The following APC variants were observed in gnomAD, a reference collection of about 807,000 sequenced individuals.
The protein encoded by APC is APC regulator of Wnt signaling pathway, also known as adenomatous polyposis coli protein.
In APC, 72 loss-of-function variants were observed where a neutral mutation model predicts 247.0. The observed-to-expected ratio is 0.29, with a 90% CI of 0.24 to 0.35. The LOEUF (loss-of-function observed/expected upper bound fraction) is 0.35. Among genes scored for constraint, APC ranks in the 10% least tolerant of loss-of-function variants. The probability of loss-of-function intolerance (pLI) is 1.00; values close to 1 mark genes in which losing one functional copy is unlikely to be tolerated. For synonymous variants in APC, 1,254 were observed against 1,162.5 expected, an observed-to-expected ratio of 1.08 and a Z score of -1.60; for missense variants, 3,400 against 3,360.7, an observed-to-expected ratio of 1.01 and a Z score of -0.29.
At chr5:112,721,082 TATA>T (rs2149656492) in intron 1 of APC, among the ~76,000 whole-genome samples, 1 of 152,162 alleles carries the variant, frequency 6.6e-6, no homozygotes, top group South Asian at 2.1e-4. Context: ...TTGGAGATAG[TATA>T]ATGAACTAGA....
chr5:112,799,775 T>G (rs912750646), intron 7 of APC, among the ~76,000 whole-genome samples: 3 of 152,142 alleles, frequency 2.0e-5, no homozygotes, highest in Non-Finnish European at 4.4e-5. Context: ...CTCCTTATTT[T>G]TGGTGCTTCA....
At chr5:112,800,893 GT>G (rs1162078068) in intron 7 of APC, among the ~76,000 whole-genome samples, 3 of 151,964 alleles carry the variant, frequency 2.0e-5, no homozygotes, top group African/African-American at 7.3e-5. Context: ...GTAAGCTTAG[GT>G]AATAGTTTAA....
upstream of APC, among the ~76,000 whole-genome samples, chr5:112,733,399 C>G (rs1208089070): frequency 6.6e-6 from 1 of 152,100 alleles, no homozygotes; most frequent in Non-Finnish European, 1.5e-5. Context: ...AAAGAGGTTA[C>G]TTAAGAGTGG....
intron 1 of APC, among the ~76,000 whole-genome samples, chr5:112,718,502 C>G (rs962473556): frequency 3.3e-5 from 5 of 152,198 alleles, no homozygotes; most frequent in African/African-American, 9.7e-5. Context: ...CACTGCAGTC[C>G]TCACCCTTGG....
chr5:112,821,696 A>G (rs951448678), intron 10 of APC, among the ~76,000 whole-genome samples, 200 bp from the exon 11 acceptor site: 5 of 152,184 alleles, frequency 3.3e-5, no homozygotes, highest in African/African-American at 1.2e-4. Context: ...AAACATTTTT[A>G]TGGAAACAAA....
Position 112,715,598 on chromosome 5 carries a change from T to G in APC, c.165+7716T>G, listed in dbSNP as rs545807508. Among the ~76,000 whole-genome samples the G allele has an allele frequency of 1.2e-4, 18 of 152,342 alleles. No homozygotes were observed. In the South Asian group the frequency reaches 3.5e-3, roughly 30 times the overall value. On this transcript the variant is annotated intron_variant, in intron 1 of 13. Transcript: ENST00000507379. Reference sequence around the variant, plus strand: ...AATGAATTCTTCCTTAAATATTTGTTATAACATGTCAGAGAAACCACCTGG... The same window carrying G: ...AATGAATTCTTCCTTAAATATTTGTGATAACATGTCAGAGAAACCACCTGG...
At chr5:112,747,909 A>C (rs1004129857) in intron 1 of APC, among the ~76,000 whole-genome samples, 3 of 152,170 alleles carry the variant, frequency 2.0e-5, no homozygotes, top group African/African-American at 7.2e-5. Context: ...TGAAAACCCA[A>C]ATTAGGAAAT....
chr5:112,741,512 C>G (rs372243659), intron 1 of APC, among the ~76,000 whole-genome samples: 34 of 152,248 alleles, frequency 2.2e-4, no homozygotes, highest in African/African-American at 6.7e-4. Context: ...ACACCCTGCA[C>G]CCACTCTTCT....
rs1315172216 is a variant in APC at position 112,752,107 on chromosome 5, TATTTTGGGTTTTCAA to T, written c.-18-2761_-18-2747del. Among the ~76,000 whole-genome samples, 8 of 152,224 alleles carry T rather than the reference TATTTTGGGTTTTCAA, an allele frequency of 5.3e-5. No homozygotes were observed. The South Asian group carries it at 1.7e-3, about 32-fold the overall frequency. On this transcript the variant is annotated intron_variant, in intron 1 of 15. Transcript: ENST00000257430. ...TGATAGATTATATCTTCTAGTAAATTATTTTGGGTTTTCAAATTTGTTTGCATAGAGTTGAGCAGA... is the reference window on the plus strand; with the variant it reads ...TGATAGATTATATCTTCTAGTAAATTATTTGTTTGCATAGAGTTGAGCAGA...
At chr5:112,763,974 A>G (rs77616734) in intron 2 of APC, among the ~76,000 whole-genome samples, 1 of 151,632 alleles carries the variant, frequency 6.6e-6, no homozygotes, top group South Asian at 2.1e-4. Context: ...GCGGTGGCTC[A>G]CGCCTGTAAT....
rs2149616203 is a variant in APC, at chr5:112,775,731, T to C, written c.525T>C (p.Thr175=). The change falls in exon 5 of 16, where the codon ACT becomes ACC. Residue 175 remains threonine (T), a synonymous_variant. Transcript: ENST00000257430. ...AAAGAATAGATAGTCTTCCTTTAACTGAAAATGTAAGTAACTTGGCAGTAC... is the reference window on the plus strand; with the variant it reads ...AAAGAATAGATAGTCTTCCTTTAACCGAAAATGTAAGTAACTTGGCAGTAC... The part of the protein sequence containing the change: ...LTKRIDSLPL[T]ENFSLQTDMT... The C allele has an allele frequency of 1.9e-6, 3 of 1,550,492 alleles. No homozygotes were observed. The highest frequency in any genetic ancestry group is 2.6e-6 in the Non-Finnish European group (3 of 1,135,044).
chr5:112,834,644 T>C (rs1764668585), intron 14 of APC, among the ~76,000 whole-genome samples: 1 of 152,180 alleles, frequency 6.6e-6, no homozygotes, highest in Non-Finnish European at 1.5e-5. Context: ...AATGTTTTCT[T>C]TTCATAATGC....
rs1554088722 is a variant in APC at position 112,843,478 on chromosome 5, G to A, written c.7884G>A (p.Gln2628=). 2 of 1,613,962 alleles carry A rather than the reference G, an allele frequency of 1.2e-6. No individual in the cohort carries two copies. The highest frequency in any genetic ancestry group is 1.7e-6 in the Non-Finnish European group (2 of 1,179,864). ...TTTCTCCCACAAATAGTACTTCTCA[G>A]ACCGTTTCCTCAGGTGCTACAAATG... The part of the protein sequence containing the change: ...NEFSPTNSTS[Q]TVSSGATNGA... Residue 2628 remains glutamine (Q), a synonymous_variant, in exon 16 of 16, where the codon CAG becomes CAA. Coordinates refer to ENST00000257430, the MANE Select transcript of APC (RefSeq NM_000038.6). This position sits in a 1 kb window ranked among gnomAD's most constrained non-coding sequence, Gnocchi z 4.8.
intron 15 of APC, among the ~76,000 whole-genome samples, chr5:112,837,045 G>C (rs969403192): frequency 6.6e-6 from 1 of 152,158 alleles, no homozygotes; most frequent in Non-Finnish European, 1.5e-5. Context: ...AATCAAGCCA[G>C]AGATACAGAG....
Position 112,844,262 on chromosome 5 carries a change from G to A in APC, c.*136G>A. ...ATTCTTGTTAGAGGGTTTTTGTTCT[G>A]GAAGCCATATTTGATAGTATACTTT... On this transcript the variant is annotated 3_prime_UTR_variant, in exon 16 of 16. Coordinates refer to ENST00000257430, the MANE Select transcript of APC (RefSeq NM_000038.6). 1 of 828,192 alleles carries A rather than the reference G, an allele frequency of 1.2e-6. No individual in the cohort carries two copies. Among genetic ancestry groups the A allele is most frequent in the Non-Finnish European group, 1.9e-6 (1 of 537,458 alleles). The allele number at this position is 828,192 out of a possible 1,614,324, so 51.3% of individuals were successfully genotyped here. A position where few individuals can be genotyped will look rare whatever the true frequency, so the allele number is the denominator to read the frequency against.
chr5:112,791,591 C>T (rs1293267271), intron 6 of APC, among the ~76,000 whole-genome samples: 4 of 152,158 alleles, frequency 2.6e-5, no homozygotes, highest in Admixed American at 6.5e-5. Context: ...CAGTTTTATC[C>T]TGAGACTTCC....
At chr5:112,759,502 C>T (rs541802649) in intron 2 of APC, among the ~76,000 whole-genome samples, 2 of 151,692 alleles carry the variant, frequency 1.3e-5, no homozygotes, top group Admixed American at 6.6e-5. Context: ...GGACTACAGG[C>T]GTGCACCACC....
At chr5:112,836,966 G>T (rs375912729) in intron 15 of APC, among the ~76,000 whole-genome samples, 1 of 152,174 alleles carries the variant, frequency 6.6e-6, no homozygotes, top group Admixed American at 6.5e-5. Flanking sequence ...CTCCTAAAGT[G>T]CTGGGATTAC....
intron 4 of APC, among the ~76,000 whole-genome samples, chr5:112,771,748 G>C (rs1266222408): frequency 6.6e-6 from 1 of 151,922 alleles, no homozygotes; most frequent in East Asian, 1.9e-4. Context: ...GCTTTTTTCT[G>C]TTATATTACT....
Sources: allele counts gnomAD v4.1 joint callset (sites outside exome capture counted in the v4.1 genomes callset), GRCh38; gene constraint gnomAD v4.1.1; non-coding constraint Gnocchi (gnomAD v3.1); transcripts MANE v1.5; gene names NCBI Gene and HGNC (gene_info 2026-07-23, HGNC 2026-07-21).